The following MLLT10 variants were observed in gnomAD, a reference collection of about 807,000 sequenced individuals.
MLLT10 encodes the protein MLLT10 histone lysine methyltransferase DOT1L cofactor.
A neutral mutation model predicts 129.1 loss-of-function variants in MLLT10; 30 were observed. The ratio of observed to expected loss-of-function variants is 0.23; its 90% CI spans 0.17 to 0.32. The LOEUF is 0.32. MLLT10 is among the 10% of genes least tolerant of loss of function. The probability of loss-of-function intolerance (pLI) is 1.00; values close to 1 mark genes in which losing one functional copy is unlikely to be tolerated. For synonymous variants in MLLT10, 490 were observed against 446.4 expected, an observed-to-expected ratio of 1.10 and a Z score of -1.23; for missense variants, 1,119 against 1,268.3, an observed-to-expected ratio of 0.88 and a Z score of 1.79.
At chr10:21,538,938 A>T in intron 3 of MLLT10, 26 bp downstream of exon 3, 2 of 1,551,814 alleles carry the variant, frequency 1.3e-6, no homozygotes, top group Non-Finnish European at 1.8e-6. Flanking sequence ...CAAAAACATT[A>T]AACTTTAGTG....
At chr10:21,542,541 T>C (rs748024121) in intron 3 of MLLT10, among the ~76,000 whole-genome samples, 7 of 152,156 alleles carry the variant, frequency 4.6e-5, no homozygotes, top group Non-Finnish European at 8.8e-5. Flanking sequence ...TTGCACTCCA[T>C]CTTGGGCAAT....
At chr10:21,698,717 C>G (rs1400902252) in intron 13 of MLLT10, among the ~76,000 whole-genome samples, 3 of 152,050 alleles carry the variant, frequency 2.0e-5, no homozygotes, top group South Asian at 2.1e-4. Flanking sequence ...TATTTTTCTC[C>G]ACATCCTCAG....
At chr10:21,728,018 G>A (rs943416632) in intron 16 of MLLT10, 90 bp downstream of exon 16, 2 of 1,027,366 alleles carry the variant, frequency 1.9e-6, no homozygotes, top group African/African-American at 3.2e-5. Context: ...GTGTACATTT[G>A]TGAGGCTATA....
At chr10:21,546,276 C>G (rs2036060240) in intron 3 of MLLT10, among the ~76,000 whole-genome samples, 1 of 151,864 alleles carries the variant, frequency 6.6e-6, no homozygotes. Flanking sequence ...CTGGGTTTCA[C>G]AATGTTGCTC....
At chr10:21,718,562 G>A (rs2056912160) in intron 14 of MLLT10, among the ~76,000 whole-genome samples, 1 of 151,988 alleles carries the variant, frequency 6.6e-6, no homozygotes, top group Non-Finnish European at 1.5e-5. Flanking sequence ...TGAGTTTTGC[G>A]TTTGAAATAC....
intron 13 of MLLT10, among the ~76,000 whole-genome samples, chr10:21,701,116 T>G (rs2054861546): frequency 6.6e-6 from 1 of 152,176 alleles, no homozygotes; most frequent in Non-Finnish European, 1.5e-5. Context: ...TTTGTTAGCA[T>G]TCATACTATT....
chr10:21,544,020 G>A (rs1262026854), intron 3 of MLLT10, among the ~76,000 whole-genome samples: 1 of 152,158 alleles, frequency 6.6e-6, no homozygotes, highest in Non-Finnish European at 1.5e-5. Context: ...AACTTTTTGA[G>A]TGTTTACTAT....
intron 5 of MLLT10, among the ~76,000 whole-genome samples, chr10:21,596,590 A>G (rs963983140): frequency 6.6e-6 from 1 of 152,010 alleles, no homozygotes; most frequent in Non-Finnish European, 1.5e-5. Flanking sequence ...ATATTATGTT[A>G]GGTACACTGT....
At chr10:21,635,050 A>G (rs1199970652) in intron 8 of MLLT10, among the ~76,000 whole-genome samples, 1 of 152,148 alleles carries the variant, frequency 6.6e-6, no homozygotes. Context: ...CTGTCCTAGA[A>G]TGGACCCTTC....
intron 13 of MLLT10, among the ~76,000 whole-genome samples, chr10:21,684,464 A>G (rs559884872): frequency 6.6e-6 from 1 of 152,100 alleles, no homozygotes; most frequent in African/African-American, 2.4e-5. Context: ...TAGGAAGTTA[A>G]CTTCAACTCT....
intron 20 of MLLT10, 23 bp from the exon 21 acceptor site, chr10:21,735,116 T>C: frequency 6.3e-7 from 1 of 1,578,018 alleles, no homozygotes; most frequent in Non-Finnish European, 8.7e-7. Context: ...TAGTAAAAAG[T>C]AAGAATTGTA....
intron 8 of MLLT10, among the ~76,000 whole-genome samples, chr10:21,628,375 T>C (rs2046659952): frequency 1.3e-5 from 2 of 152,054 alleles, no homozygotes; most frequent in South Asian, 4.1e-4. Flanking sequence ...ATTGCCTTCA[T>C]GTTGTCTTTG....
intron 14 of MLLT10, among the ~76,000 whole-genome samples, chr10:21,723,789 T>C (rs1250310637): frequency 6.6e-6 from 1 of 152,236 alleles, no homozygotes; most frequent in Non-Finnish European, 1.5e-5. Flanking sequence ...AAATGTGTAG[T>C]GGATCTTTTT....
At chr10:21,717,665 TTCCTCCTCCTCTTCC>T (rs1564710870) in intron 14 of MLLT10, among the ~76,000 whole-genome samples, 11 of 39,406 alleles carry the variant, frequency 2.8e-4, no homozygotes, top group Non-Finnish European at 5.0e-4. Flanking sequence ...CCTCCTCCTC[TTCCTCCTCCTCTTCC>T]TCCTCCTCCT....
intron 13 of MLLT10, among the ~76,000 whole-genome samples, chr10:21,683,393 A>ATT (rs2052949037): frequency 6.6e-6 from 1 of 152,198 alleles, no homozygotes. Flanking sequence ...TTGAAAATAA[A>ATT]ATAAACTTGT....
At chr10:21,632,892 C>T (rs893673468) in intron 8 of MLLT10, among the ~76,000 whole-genome samples, 30 of 152,174 alleles carry the variant, frequency 2.0e-4, no homozygotes, top group African/African-American at 7.0e-4. Flanking sequence ...TAAACTATGA[C>T]ACAGCAGTAT....
In MLLT10 at chr10:21,534,279, T is replaced by A; in HGVS notation, c.-242T>A. ...AGGAGGAAGCGCAGCCCCCTTCCCC[T>A]CCCTCGCTGCCCCTGGCCCAGCGGG... is the stretch of plus-strand genomic sequence containing the variant. On this transcript the variant is annotated 5_prime_UTR_variant, in exon 1 of 23. Coordinates refer to ENST00000307729, the MANE Select transcript of MLLT10 (RefSeq NM_001195626.3). 39 of 358,808 alleles carry A rather than the reference T, an allele frequency of 1.1e-4. No homozygotes were observed. The highest frequency in any genetic ancestry group is 1.4e-4 in the Non-Finnish European group (29 of 208,768). 22.2% of individuals were successfully genotyped at this position (358,808 alleles called of 1,614,324 possible). A position where few individuals can be genotyped will look rare whatever the true frequency, so the allele number is the denominator to read the frequency against.
chr10:21,710,904 T>A (rs2056020089), intron 13 of MLLT10, among the ~76,000 whole-genome samples: 1 of 152,244 alleles, frequency 6.6e-6, no homozygotes, highest in Non-Finnish European at 1.5e-5. Context: ...CAGTTGCTGT[T>A]CCTGTTTCAG....
intron 13 of MLLT10, among the ~76,000 whole-genome samples, chr10:21,695,235 C>T (rs1010684704): frequency 6.6e-6 from 1 of 151,890 alleles, no homozygotes; most frequent in Admixed American, 6.6e-5. Context: ...ACAGGCGTTT[C>T]GCCCTGTTGG....
Sources: gnomAD v4.1 joint callset for allele counts (sites outside exome capture counted in the v4.1 genomes callset) on GRCh38, gnomAD v4.1.1 for gene constraint, MANE v1.5 for transcripts, NCBI Gene and HGNC (gene_info 2026-07-23, HGNC 2026-07-21) for gene names.